STAU1: variants seen among roughly 807,000 people sequenced by gnomAD.
The protein encoded by STAU1 is staufen double-stranded RNA binding protein 1, also known as double-stranded RNA-binding protein Staufen homolog 1.
In STAU1, 13 loss-of-function variants were observed where a neutral mutation model predicts 62.9. The ratio of observed to expected loss-of-function variants is 0.21; its 90% confidence interval spans 0.13 to 0.33. The LOEUF (loss-of-function observed/expected upper bound fraction) is 0.33. Among genes scored for constraint, STAU1 ranks in the 10% least tolerant of loss-of-function variants. The pLI, the probability that STAU1 is intolerant of heterozygous loss-of-function variation, is 1.00. For missense variants in STAU1, 571 were observed against 712.1 expected (o/e 0.80, Z 2.25); for synonymous variants, 269 against 265.1 (o/e 1.01, Z -0.14).
Position 49,117,055 on chromosome 20 carries a change from A to T in STAU1, c.1632+71T>A. ...TTTCTCCCATCTTCCTCAGGCTAGT[A>T]ACAAGCTGAACCAAGGCAGGCTCCA... On this transcript the variant is annotated intron_variant, in intron 12 of 13. Coordinates refer to ENST00000371856, the MANE Select transcript of STAU1 (RefSeq NM_017453.4). This position sits in a 1 kb window ranked among gnomAD's most constrained non-coding sequence, Gnocchi z 4.6. The T allele has an allele frequency of 6.3e-7, 1 of 1,589,534 alleles. No individual in the cohort carries two copies. Among genetic ancestry groups the T allele is most frequent in the East Asian group, 2.2e-5 (1 of 44,638 alleles).
chr20:49,157,747 G>C (rs2146301001), intron 3 of STAU1, among the ~76,000 whole-genome samples: 1 of 152,060 alleles, frequency 6.6e-6, no homozygotes, highest in South Asian at 2.1e-4. Flanking sequence ...CAAAGTGCTG[G>C]GATTACAGGC....
chr20:49,173,101 C>T (rs1215906353), intron 2 of STAU1, among the ~76,000 whole-genome samples: 2 of 151,176 alleles, frequency 1.3e-5, no homozygotes, highest in East Asian at 2.0e-4. Flanking sequence ...ACCTTGGCCT[C>T]CCAAAGTGCT....
chr20:49,125,091 ACC>A (rs1443014723), intron 6 of STAU1, among the ~76,000 whole-genome samples: 4 of 137,200 alleles, frequency 2.9e-5, no homozygotes, highest in South Asian at 2.3e-4. Flanking sequence ...AAAAAAAAAA[ACC>A]CACAAAAGAG....
Position 49,137,968 on chromosome 20 carries a change from C to T in STAU1, c.511-2037G>A, listed in dbSNP as rs537555053. Among the ~76,000 whole-genome samples, 4 of 151,982 alleles carry T rather than the reference C, an allele frequency of 2.6e-5. No homozygotes were observed. The East Asian group carries it at 7.7e-4, about 29-fold the overall frequency. ...GTGCTGGGATTACAGACATGAGCCA[C>T]CGTGTCTGGCCACTGAATATTAAAA... On this transcript the variant is annotated intron_variant, in intron 5 of 13. Coordinates refer to ENST00000371856, the MANE Select transcript of STAU1 (RefSeq NM_017453.4).
the STAU1 span, chr20:49,210,552 T>A: frequency 2.2e-6 from 1 of 454,384 alleles, no homozygotes; most frequent in East Asian, 7.0e-5. Flanking sequence ...ACTCTAGAGC[T>A]GTCAAAAAGC....
chr20:49,187,903 G>T (rs928266475), intron 1 of STAU1, among the ~76,000 whole-genome samples: 1 of 151,944 alleles, frequency 6.6e-6, no homozygotes, highest in Non-Finnish European at 1.5e-5. Flanking sequence ...GGGGATGGGG[G>T]CGCCCGGGGC....
intron 8 of STAU1, among the ~76,000 whole-genome samples, chr20:49,120,854 G>A (rs751226732): frequency 5.9e-5 from 9 of 152,050 alleles, no homozygotes; most frequent in Non-Finnish European, 1.3e-4. Flanking sequence ...GAGTGCAATG[G>A]CATGATCTCA....
chr20:49,150,850 A>T (rs551737493), intron 5 of STAU1, among the ~76,000 whole-genome samples: 2 of 152,222 alleles, frequency 1.3e-5, no homozygotes, highest in Admixed American at 1.3e-4. Context: ...CCACCATAAC[A>T]TGAAGAAGTA....
chr20:49,203,212 G>A, the STAU1 span, among the ~76,000 whole-genome samples: 10 of 152,038 alleles, frequency 6.6e-5, no homozygotes, highest in African/African-American at 1.2e-4. Context: ...ATCACCTGAC[G>A]TCAGCAGTTT....
At position 49,117,719 on chromosome 20, in the gene STAU1, G is replaced by C. The variant is rs1280345172; in HGVS notation, c.1509+58C>G. 4 of 1,505,894 alleles carry C rather than the reference G, an allele frequency of 2.7e-6. No homozygotes were observed. The African/African-American group carries it at 4.2e-5, about 16-fold the overall frequency. 93.3% of individuals were successfully genotyped at this position (1,505,894 alleles called of 1,614,324 possible). A position where few individuals can be genotyped will look rare whatever the true frequency, so the allele number is the denominator to read the frequency against. On this transcript the variant is annotated intron_variant, in intron 11 of 13. Transcript: ENST00000371856. The surrounding 1 kb of genome is among the most constrained non-coding windows in gnomAD (Gnocchi z 4.6). ...AAAGTTCAAAGTTCATTTTCTGAGA[G>C]AAGCCAAAAGATGACTGTCCTGAGG...
At chr20:49,200,192 AG>A in the STAU1 span, among the ~76,000 whole-genome samples, 2 of 152,238 alleles carry the variant, frequency 1.3e-5, 1 homozygote, top group Non-Finnish European at 2.9e-5. Context: ...CCATGTTTAT[AG>A]TAGCTTAATT....
chr20:49,212,018 T>C, the STAU1 span, among the ~76,000 whole-genome samples: 1 of 152,186 alleles, frequency 6.6e-6, no homozygotes, highest in Non-Finnish European at 1.5e-5. Context: ...AGACAGGGTC[T>C]TACTCTGTCA....
At chr20:49,148,078 C>A (rs1012527096) in intron 5 of STAU1, among the ~76,000 whole-genome samples, 4 of 152,164 alleles carry the variant, frequency 2.6e-5, no homozygotes, top group Non-Finnish European at 5.9e-5. Flanking sequence ...AAAACTGTCT[C>A]TCTTTATTCC....
At chr20:49,159,023 AAAC>A (rs1487596743) in intron 3 of STAU1, 1 of 1,284,108 alleles carries the variant, frequency 7.8e-7, no homozygotes, top group Non-Finnish European at 1.0e-6. Flanking sequence ...ATTTAAGTAC[AAAC>A]AACAGCATGA....
intron 1 of STAU1, among the ~76,000 whole-genome samples, chr20:49,174,550 T>TCTTGTTTCTCTCTAAAATA (rs2093635512): frequency 6.6e-6 from 1 of 151,410 alleles, no homozygotes; most frequent in East Asian, 1.9e-4. Flanking sequence ...TGAAACCCCA[T>TCTTGTTTCTCTCTAAAATA]CTCTACTAAA....
At chr20:49,138,247 A>AT (rs1394847247) in intron 5 of STAU1, among the ~76,000 whole-genome samples, 2 of 152,146 alleles carry the variant, frequency 1.3e-5, no homozygotes, top group African/African-American at 4.8e-5. Context: ...ACGCCACTGC[A>AT]TTCTAGCCTC....
the STAU1 span, among the ~76,000 whole-genome samples, chr20:49,200,610 A>C: frequency 5.3e-5 from 8 of 151,924 alleles, no homozygotes; most frequent in East Asian, 2.0e-4. Context: ...CAAAAAAAAA[A>C]CAAACAAACA....
At chr20:49,198,616 G>C in the STAU1 span, among the ~76,000 whole-genome samples, 1 of 151,504 alleles carries the variant, frequency 6.6e-6, no homozygotes, top group South Asian at 2.1e-4. Context: ...GATCACTTGA[G>C]GTCACTAATT....
At chr20:49,141,313 G>A (rs1363281433) in intron 5 of STAU1, among the ~76,000 whole-genome samples, 2 of 152,116 alleles carry the variant, frequency 1.3e-5, no homozygotes, top group Non-Finnish European at 2.9e-5. Context: ...AATGAGCCAC[G>A]CATGGTGGCT....
Sources: gnomAD v4.1 joint callset for allele counts (sites outside exome capture counted in the v4.1 genomes callset) on GRCh38, gnomAD v4.1.1 for gene constraint, Gnocchi (gnomAD v3.1) non-coding constraint, MANE v1.5 for transcripts, NCBI Gene and HGNC (gene_info 2026-07-23, HGNC 2026-07-21) for gene names.